Variants in LMBR1 observed in about 807,000 individuals in gnomAD.
LMBR1 encodes the protein limb region 1 protein homolog.
Under a neutral mutation model 73.9 loss-of-function variants are expected in LMBR1, and 52 were observed. That is an observed-to-expected ratio of 0.70 (90% CI 0.56 to 0.89). The LOEUF (loss-of-function observed/expected upper bound fraction) is 0.89. Ranked by LOEUF, LMBR1 falls within the 40% of genes least tolerant of loss-of-function variation. The pLI is 0.00. For synonymous variants in LMBR1, 215 were observed against 209.4 expected (o/e 1.03, Z -0.23); for missense variants, 539 against 579.8 (o/e 0.93, Z 0.72).
chr7:156,811,757 C>G (rs1833135282), intron 4 of LMBR1, among the ~76,000 whole-genome samples: 1 of 152,176 alleles, frequency 6.6e-6, no homozygotes, highest in African/African-American at 2.4e-5. Flanking sequence ...TTTTCTGGAA[C>G]TGAGGAAACA....
intron 1 of LMBR1, among the ~76,000 whole-genome samples, chr7:156,891,527 G>C (rs1802985692): frequency 6.6e-6 from 1 of 152,080 alleles, no homozygotes; most frequent in South Asian, 2.1e-4. Context: ...TTAGAAGCCA[G>C]GGCAACGTTT....
rs1357653528 is a variant in LMBR1 at position 156,733,506 on chromosome 7, C to CA, written c.838+670dup. Among the ~76,000 whole-genome samples the CA allele has an allele frequency of 4.7e-5, 7 of 147,772 alleles. No individual in the cohort carries two copies. The East Asian group carries it at 7.9e-4, about 17-fold the overall frequency. Reference sequence around the variant, plus strand: ...ATGAAAACTGCAGATGGTAGAAAAACAAAAAAAAAGCAAAAACCACTAGAT... The same window carrying CA: ...ATGAAAACTGCAGATGGTAGAAAAACAAAAAAAAAAGCAAAAACCACTAGAT... On this transcript the variant is annotated intron_variant, in intron 10 of 16. Transcript: ENST00000353442.
chr7:156,886,295 G>A (rs1294187902), intron 1 of LMBR1, among the ~76,000 whole-genome samples: 2 of 152,192 alleles, frequency 1.3e-5, no homozygotes, highest in Non-Finnish European at 2.9e-5. Context: ...TATGCTGAAC[G>A]GGTTGGCCAA....
chr7:156,782,213 A>T (rs138552176), intron 5 of LMBR1, among the ~76,000 whole-genome samples: 1 of 152,334 alleles, frequency 6.6e-6, no homozygotes, highest in Non-Finnish European at 1.5e-5. Context: ...TTTACTCATT[A>T]TTCATCATAC....
downstream of LMBR1, among the ~76,000 whole-genome samples, chr7:156,677,349 T>C (rs1804257785): frequency 6.6e-6 from 1 of 152,094 alleles, no homozygotes; most frequent in African/African-American, 2.4e-5. Flanking sequence ...AGACACATGA[T>C]TTCTGAGGTG....
At chr7:156,861,329 G>T (rs1797686992) in intron 1 of LMBR1, among the ~76,000 whole-genome samples, 1 of 152,176 alleles carries the variant, frequency 6.6e-6, no homozygotes, top group Non-Finnish European at 1.5e-5. Flanking sequence ...GCCCCTTTTA[G>T]TCACAGCTGG....
intron 4 of LMBR1, among the ~76,000 whole-genome samples, chr7:156,803,572 G>T (rs1831413341): frequency 6.6e-6 from 1 of 152,128 alleles, no homozygotes; most frequent in Non-Finnish European, 1.5e-5. Flanking sequence ...AACCCTTGTG[G>T]AAGTCAGTGT....
chr7:156,685,584 A>C lies in LMBR1; in HGVS notation c.1388-1421T>G, dbSNP rs1043548517. 2.6e-5 allele frequency among the ~76,000 whole-genome samples: 4 copies of C among 152,188 alleles called. No individual in the cohort carries two copies. Among genetic ancestry groups the C allele is most frequent in the Admixed American group, 2.0e-4 (3 of 15,276 alleles). ...TATCTGTGCATCTAGAAACATATGA[A>C]CCTAGAAAAGCTGATGCGTGGCGCC... On this transcript the variant is annotated intron_variant, in intron 16 of 16. Coordinates refer to ENST00000353442, the MANE Select transcript of LMBR1 (RefSeq NM_022458.4). This position sits in a 1 kb window ranked among gnomAD's most constrained non-coding sequence, Gnocchi z 4.1.
At chr7:156,854,744 C>A (rs1796712073) in intron 1 of LMBR1, among the ~76,000 whole-genome samples, 1 of 152,166 alleles carries the variant, frequency 6.6e-6, no homozygotes, top group Non-Finnish European at 1.5e-5. Context: ...GAGACCTAAT[C>A]ACAAGACTAC....
At chr7:156,671,556 T>A (rs1220246736) in intron 4 of LMBR1, among the ~76,000 whole-genome samples, 1 of 152,218 alleles carries the variant, frequency 6.6e-6, no homozygotes, top group African/African-American at 2.4e-5. Flanking sequence ...GATGCAGATG[T>A]CATCATAGGT....
intron 5 of LMBR1, among the ~76,000 whole-genome samples, chr7:156,770,568 A>T (rs1276514680): frequency 6.6e-6 from 1 of 152,228 alleles, no homozygotes; most frequent in Non-Finnish European, 1.5e-5. Context: ...GAAGCACTCA[A>T]CTCAAGAATT....
chr7:156,736,718 T>C, intron 9 of LMBR1: 1 of 386,226 alleles, frequency 2.6e-6, no homozygotes, highest in Admixed American at 2.9e-5. Context: ...TGATATTCAA[T>C]GTCTACATTA....
chr7:156,681,371 G>C lies in LMBR1; in HGVS notation c.*2707C>G. 1 of 209,508 alleles carries C rather than the reference G, an allele frequency of 4.8e-6. No homozygotes were observed. The highest frequency in any genetic ancestry group is 6.7e-5 in the South Asian group (1 of 14,922). The allele number at this position is 209,508 out of a possible 1,614,324, so 13.0% of individuals were successfully genotyped here. ...GCAGCAATTTAAGGAGCTAACATTA[G>C]TGTGTATGTGTGTACAAATTTCATG... On this transcript the variant is annotated 3_prime_UTR_variant, in exon 17 of 17. Transcript: ENST00000353442.
intron 4 of LMBR1, among the ~76,000 whole-genome samples, chr7:156,817,958 C>G (rs1397336577): frequency 6.6e-6 from 1 of 152,120 alleles, no homozygotes; most frequent in African/African-American, 2.4e-5. Context: ...AATTTCCTAT[C>G]CCAAACACTA....
At position 156,677,990 on chromosome 7, in the gene LMBR1, C is replaced by T. The variant is rs1020899575; in HGVS notation, c.*6088G>A. Reference sequence around the variant, plus strand: ...TGTCAAAGGCCAGAGCAGTCCGATTCCGCCGCCCTAAACTTTGGATCTAGA... The same window carrying T: ...TGTCAAAGGCCAGAGCAGTCCGATTTCGCCGCCCTAAACTTTGGATCTAGA... On this transcript the variant is annotated 3_prime_UTR_variant, in exon 17 of 17. Coordinates refer to ENST00000353442, the MANE Select transcript of LMBR1 (RefSeq NM_022458.4). 6.6e-6 allele frequency: 1 copy of T among 152,280 alleles called. No individual in the cohort carries two copies. The highest frequency in any genetic ancestry group is 2.4e-5 in the African/African-American group (1 of 41,450). 9.4% of individuals were successfully genotyped at this position (152,280 alleles called of 1,614,324 possible).
intron 4 of LMBR1, among the ~76,000 whole-genome samples, chr7:156,672,064 G>A (rs1479232010): frequency 6.6e-6 from 1 of 152,120 alleles, no homozygotes; most frequent in Non-Finnish European, 1.5e-5. Context: ...ACCTGAGTGT[G>A]GAATTAGTTT....
intron 1 of LMBR1, among the ~76,000 whole-genome samples, chr7:156,890,585 T>G (rs1225827640): frequency 6.6e-6 from 1 of 152,134 alleles, no homozygotes; most frequent in African/African-American, 2.4e-5. Context: ...AACAAACAGG[T>G]GCTCAAATTC....
At chr7:156,854,728 A>C (rs931146191) in intron 1 of LMBR1, among the ~76,000 whole-genome samples, 1 of 152,224 alleles carries the variant, frequency 6.6e-6, no homozygotes, top group Non-Finnish European at 1.5e-5. Context: ...GGCTCCATAA[A>C]AGACTGAGAC....
intron 5 of LMBR1, among the ~76,000 whole-genome samples, chr7:156,770,675 A>AG (rs1487828258): frequency 6.6e-6 from 1 of 152,130 alleles, no homozygotes; most frequent in East Asian, 1.9e-4. Flanking sequence ...GTACTTTTAA[A>AG]GGGGGAGGCA....
Sources: gnomAD v4.1 joint callset for allele counts (sites outside exome capture counted in the v4.1 genomes callset) on GRCh38, gnomAD v4.1.1 for gene constraint, Gnocchi (gnomAD v3.1) non-coding constraint, MANE v1.5 for transcripts, NCBI Gene and HGNC (gene_info 2026-07-23, HGNC 2026-07-21) for gene names.